KDM6A: variants seen among roughly 807,000 people sequenced by gnomAD.
KDM6A encodes lysine-specific demethylase 6A.
Under a neutral mutation model 117.6 loss-of-function variants are expected in KDM6A, and 11 were observed. That is an observed-to-expected ratio of 0.09 (90% CI 0.06 to 0.15). KDM6A has a LOEUF of 0.15. Among genes scored for constraint, KDM6A ranks in the 10% least tolerant of loss-of-function variants. The probability of loss-of-function intolerance (pLI) is 1.00; values close to 1 mark genes in which losing one functional copy is unlikely to be tolerated. For missense variants in KDM6A, 799 were observed against 1,077.3 expected (o/e 0.74, Z 3.62); for synonymous variants, 384 against 396.1 (o/e 0.97, Z 0.36).
intron 2 of KDM6A, 29 bp downstream of exon 2, chrX:44,874,016 C>T (rs1601998097): frequency 2.5e-6 from 3 of 1,180,915 alleles, no homozygotes; most frequent in Non-Finnish European, 2.3e-6. Context: ...GGAGCGCGGA[C>T]ACCGTCTCCC....
At chrX:44,882,185 CTT>C in intron 2 of KDM6A, among the ~76,000 whole-genome samples, 1 of 111,572 alleles carries the variant, frequency 9.0e-6, no homozygotes, top group Non-Finnish European at 1.9e-5. Context: ...ATTTTTCTCT[CTT>C]TTTGAAAAAA....
chrX:44,949,239 AC>A (rs957016148), intron 2 of KDM6A, among the ~76,000 whole-genome samples: 1 of 110,521 alleles, frequency 9.0e-6, no homozygotes, highest in Non-Finnish European at 1.9e-5. Context: ...CAAAAAAAAT[AC>A]AAAAATTAGC....
At chrX:44,896,359 G>A (rs903378456) in intron 2 of KDM6A, among the ~76,000 whole-genome samples, 1 of 111,256 alleles carries the variant, frequency 9.0e-6, no homozygotes, top group Non-Finnish European at 1.9e-5. Flanking sequence ...TTACAGGCGT[G>A]AGTCACCGCG....
intron 2 of KDM6A, among the ~76,000 whole-genome samples, chrX:44,903,621 T>C (rs1281411332): frequency 9.0e-6 from 1 of 111,307 alleles, no homozygotes; most frequent in Non-Finnish European, 1.9e-5. Flanking sequence ...TAATTTTTCT[T>C]TCTTATTTTC....
chrX:44,987,914 T>C (rs1251251857), intron 4 of KDM6A, among the ~76,000 whole-genome samples: 1 of 110,877 alleles, frequency 9.0e-6, no homozygotes, highest in Non-Finnish European at 1.9e-5. Context: ...AGGAGTATCT[T>C]TGTGGTGTTC....
chrX:45,051,996 T>C (rs967361932), intron 9 of KDM6A, among the ~76,000 whole-genome samples, 194 bp downstream of exon 9: 5 of 111,812 alleles, frequency 4.5e-5, no homozygotes, highest in Admixed American at 2.9e-4. Flanking sequence ...AATTCTTTAG[T>C]ACAGCTGGTC....
intron 4 of KDM6A, among the ~76,000 whole-genome samples, chrX:44,985,140 G>T (rs1197166972): frequency 1.0e-4 from 11 of 110,259 alleles, no homozygotes; most frequent in Middle Eastern, 4.7e-3. Flanking sequence ...CCCTTGTAAG[G>T]TGGATTCCTA....
intron 2 of KDM6A, among the ~76,000 whole-genome samples, chrX:44,900,117 C>T (rs2034233361): frequency 8.9e-6 from 1 of 112,132 alleles, no homozygotes; most frequent in Non-Finnish European, 1.9e-5. Context: ...TTATGGTTTG[C>T]CATCAAACAG....
chrX:44,894,508 T>C, intron 2 of KDM6A, among the ~76,000 whole-genome samples: 1 of 111,445 alleles, frequency 9.0e-6, no homozygotes, highest in South Asian at 3.7e-4. Context: ...CATGTTATTC[T>C]TTTAATGTTA....
At chrX:44,952,630 A>G (rs188249708) in intron 2 of KDM6A, among the ~76,000 whole-genome samples, 5 of 112,049 alleles carry the variant, frequency 4.5e-5, no homozygotes, top group Non-Finnish European at 3.8e-5. Flanking sequence ...AAATAGAGAG[A>G]CAGACAGGGT....
intron 4 of KDM6A, among the ~76,000 whole-genome samples, chrX:44,979,325 C>T (rs1602422301): frequency 9.1e-6 from 1 of 110,066 alleles, no homozygotes; most frequent in East Asian, 2.8e-4. Flanking sequence ...TTAACTTTAG[C>T]CCGTCTACCT....
At position 45,081,817 on chromosome X, in the gene KDM6A, C is replaced by T. The variant is rs1413539793; in HGVS notation, c.3301-759C>T. Among the ~76,000 whole-genome samples, 5 of 109,618 alleles carry T rather than the reference C, an allele frequency of 4.6e-5. No individual in the cohort carries two copies. In the Admixed American group the frequency reaches 4.9e-4, roughly 11 times the overall value. On this transcript the variant is annotated intron_variant, in intron 21 of 29. Coordinates refer to ENST00000611820, the MANE Select transcript of KDM6A (RefSeq NM_001291415.2). The stretch of plus-strand genomic sequence containing the variant: ...TTTTTTTAGACGAGTCTCACTCTGT[C>T]GCCCAGGCTGGAGTGCAGTGGCGTG...
chrX:45,100,817 G>A (rs1162334653), intron 27 of KDM6A, among the ~76,000 whole-genome samples: 5 of 107,920 alleles, frequency 4.6e-5, no homozygotes, highest in African/African-American at 1.7e-4. Context: ...ATAAAGCACT[G>A]TTTTATATTT....
At position 44,996,765 on chromosome X, in the gene KDM6A, G is replaced by T. The variant is rs146114314; in HGVS notation, c.385-14196G>T. Reference sequence around the variant, plus strand: ...CTGTAAGATACTGATTTACTCAGCGGCAAGACTTTCCTAATTAACTTACAT... The same window carrying T: ...CTGTAAGATACTGATTTACTCAGCGTCAAGACTTTCCTAATTAACTTACAT... On this transcript the variant is annotated intron_variant, in intron 4 of 29. Coordinates refer to ENST00000611820, the MANE Select transcript of KDM6A (RefSeq NM_001291415.2). 2.9e-4 allele frequency among the ~76,000 whole-genome samples: 32 copies of T among 111,451 alleles called. No individual in the cohort carries two copies. In the East Asian group the frequency reaches 8.9e-3, roughly 31 times the overall value.
intron 4 of KDM6A, among the ~76,000 whole-genome samples, chrX:44,985,136 T>G (rs1192162199): frequency 9.0e-6 from 1 of 110,664 alleles, no homozygotes; most frequent in Non-Finnish European, 1.9e-5. Context: ...ACGTCCCTTG[T>G]AAGGTGGATT....
intron 3 of KDM6A, among the ~76,000 whole-genome samples, chrX:44,966,036 C>T (rs187257049): frequency 1.8e-5 from 2 of 111,431 alleles, no homozygotes; most frequent in South Asian, 3.7e-4. Flanking sequence ...TATGAGGCTA[C>T]GTGTACTTGC....
intron 18 of KDM6A, among the ~76,000 whole-genome samples, chrX:45,072,094 ATTAGTTTCTATTTCTG>A (rs937645065): frequency 8.0e-5 from 9 of 112,093 alleles, no homozygotes; most frequent in African/African-American, 1.9e-4. Flanking sequence ...TTCATTTTCT[ATTAGTTTCTATTTCTG>A]TTAGTTTCTA....
At chrX:45,048,324 C>G (rs1263661791) in intron 8 of KDM6A, among the ~76,000 whole-genome samples, 1 of 110,871 alleles carries the variant, frequency 9.0e-6, no homozygotes, top group Non-Finnish European at 1.9e-5. Context: ...TGGAGATTGA[C>G]TATATTTTTC....
intron 8 of KDM6A, among the ~76,000 whole-genome samples, chrX:45,039,099 C>T (rs941405043): frequency 9.0e-6 from 1 of 110,970 alleles, no homozygotes; most frequent in African/African-American, 3.3e-5. Flanking sequence ...AAACCCAGCT[C>T]TATGGCAGAA....
Sources: gnomAD v4.1 joint callset for allele counts (sites outside exome capture counted in the v4.1 genomes callset) on GRCh38, gnomAD v4.1.1 for gene constraint, MANE v1.5 for transcripts, NCBI Gene and HGNC (gene_info 2026-07-23, HGNC 2026-07-21) for gene names.